GLI2: variants seen among roughly 807,000 people sequenced by gnomAD.
GLI2 encodes the protein GLI family zinc finger 2, also known as transcription activator GLI2.
Under a neutral mutation model 78.9 loss-of-function variants are expected in GLI2, and 22 were observed. The ratio of observed to expected loss-of-function variants is 0.28; its 90% CI spans 0.20 to 0.40. GLI2 has a LOEUF of 0.40. GLI2 is among the 10% of genes least tolerant of loss of function. The pLI is 1.00. For missense variants in GLI2, 2,097 were observed against 2,213.2 expected, an observed-to-expected ratio of 0.95 and a Z score of 1.05; for synonymous variants, 974 against 963.7, an observed-to-expected ratio of 1.01 and a Z score of -0.20.
intron 1 of GLI2, among the ~76,000 whole-genome samples, chr2:120,741,221 T>C (rs1203669328): frequency 1.3e-5 from 2 of 152,168 alleles, no homozygotes; most frequent in Admixed American, 1.3e-4. Flanking sequence ...CTGATGTGAT[T>C]ACGCTTTGCT....
chr2:120,793,738 T>A (rs1452741350), intron 1 of GLI2, among the ~76,000 whole-genome samples: 3 of 152,226 alleles, frequency 2.0e-5, no homozygotes. Flanking sequence ...ATCCTCTCCC[T>A]GAGCCACAGT....
intron 1 of GLI2, among the ~76,000 whole-genome samples, chr2:120,770,987 C>G (rs1406251997): frequency 6.6e-6 from 1 of 152,190 alleles, no homozygotes; most frequent in African/African-American, 2.4e-5. Flanking sequence ...CCCCACTTGC[C>G]CAGGCCCAGA....
intron 2 of GLI2, among the ~76,000 whole-genome samples, chr2:120,853,337 C>G (rs1687498338): frequency 6.6e-6 from 1 of 152,184 alleles, no homozygotes; most frequent in Non-Finnish European, 1.5e-5. Context: ...GAGAATGACA[C>G]CTCAGGTCAC....
intron 2 of GLI2, among the ~76,000 whole-genome samples, chr2:120,853,086 C>T (rs1171763693): frequency 2.0e-5 from 3 of 152,196 alleles, no homozygotes; most frequent in Non-Finnish European, 2.9e-5. Context: ...GACACTGTCT[C>T]TGCAAGGCGA....
chr2:120,900,999 T>G (rs1678224877), intron 2 of GLI2, among the ~76,000 whole-genome samples: 1 of 152,184 alleles, frequency 6.6e-6, no homozygotes, highest in African/African-American at 2.4e-5. Context: ...TTGGGGTTTG[T>G]TTGTACCAGG....
Position 120,886,642 on chromosome 2 carries a change from G to A in GLI2, c.149-40719G>A, listed in dbSNP as rs944050332. Among the ~76,000 whole-genome samples the A allele has an allele frequency of 7.2e-5, 11 of 152,294 alleles. 1 individual carries two copies. The highest frequency in any genetic ancestry group is 9.6e-5 in the African/African-American group (4 of 41,570). On this transcript the variant is annotated intron_variant, in intron 2 of 13. Transcript: ENST00000361492. The stretch of plus-strand genomic sequence containing the variant: ...GCTCATACTAGCCTTCCTGAGGGGC[G>A]TGAGTGGGTGAGGCAGAGGTGGAAA...
At chr2:120,787,212 CAG>C (rs1684021815) in intron 1 of GLI2, among the ~76,000 whole-genome samples, 1 of 152,126 alleles carries the variant, frequency 6.6e-6, no homozygotes, top group Admixed American at 6.5e-5. Context: ...ACCGCGTGAT[CAG>C]AGTCACAGAC....
chr2:120,887,489 G>A (rs952492445), intron 2 of GLI2, among the ~76,000 whole-genome samples: 4 of 152,238 alleles, frequency 2.6e-5, no homozygotes, highest in African/African-American at 7.2e-5. Flanking sequence ...CCGCGCTGGC[G>A]AAGCCCGGGA....
intron 3 of GLI2, among the ~76,000 whole-genome samples, chr2:120,932,297 A>G (rs1202695378): frequency 6.6e-6 from 1 of 151,940 alleles, no homozygotes; most frequent in African/African-American, 2.4e-5. Context: ...TGAGCTGGTG[A>G]CCATTTCGTG....
chr2:120,797,361 A>G lies in GLI2; in HGVS notation c.41A>G (p.Glu14Gly), dbSNP rs1684444560. ...TCAGCCACTGCCTCCGAGAAGCAAG[A>G]AGCCAAAAGTGGGATCCTGGAGGCC... ...SASATASEKQEAKSGILEAAG... is the reference protein window; with the variant it reads ...SASATASEKQGAKSGILEAAG... Residue 14 changes from glutamate to glycine, a missense_variant, in exon 2 of 14, where the codon GAA becomes GGA. Coordinates refer to ENST00000361492, the MANE Select transcript of GLI2 (RefSeq NM_001374353.1). The G allele has an allele frequency of 6.2e-7, 1 of 1,614,060 alleles. No homozygotes were observed. Among genetic ancestry groups the G allele is most frequent in the South Asian group, 1.1e-5 (1 of 91,052 alleles).
intron 1 of GLI2, among the ~76,000 whole-genome samples, chr2:120,776,521 A>G (rs937373005): frequency 3.3e-5 from 5 of 152,056 alleles, no homozygotes; most frequent in African/African-American, 1.2e-4. Flanking sequence ...TCCTTGCCCT[A>G]GACACATTTG....
chr2:120,968,942 T>A, intron 6 of GLI2, 27 bp downstream of exon 6: 2 of 1,585,912 alleles, frequency 1.3e-6, no homozygotes, highest in African/African-American at 2.7e-5. Context: ...AGCAGAGAGC[T>A]GAGGACCAGA....
intron 1 of GLI2, among the ~76,000 whole-genome samples, chr2:120,783,379 A>G (rs1683902885): frequency 6.6e-6 from 1 of 152,150 alleles, no homozygotes; most frequent in Admixed American, 6.5e-5. Context: ...ACCTGGTCTC[A>G]CAAAGCCAGG....
chr2:120,879,499 T>A (rs1677001523), intron 2 of GLI2, among the ~76,000 whole-genome samples: 1 of 152,082 alleles, frequency 6.6e-6, no homozygotes, highest in South Asian at 2.1e-4. Flanking sequence ...GTGCAGTAGT[T>A]CCTCACCCGT....
At chr2:120,859,390 G>T (rs910193419) in intron 2 of GLI2, among the ~76,000 whole-genome samples, 8 of 152,038 alleles carry the variant, frequency 5.3e-5, no homozygotes, top group African/African-American at 1.7e-4. Context: ...TGAAACAAGA[G>T]CAGGGAAGCT....
chr2:120,918,732 C>T lies in GLI2; in HGVS notation c.149-8629C>T, dbSNP rs148668088. Among the ~76,000 whole-genome samples the T allele has an allele frequency of 3.2e-3, 492 of 152,350 alleles. 3 individuals are homozygous for T. Among genetic ancestry groups the T allele is most frequent in the African/African-American group, 0.011 (475 of 41,596 alleles). On this transcript the variant is annotated intron_variant, in intron 2 of 13. Transcript: ENST00000361492. ...TTGGGATTACAGGCGTGAGCCACTG[C>T]GCCCAGCCCACCATAAATATTCTTC...
intron 2 of GLI2, among the ~76,000 whole-genome samples, chr2:120,820,743 C>T (rs1256555903): frequency 6.6e-6 from 1 of 152,172 alleles, no homozygotes; most frequent in East Asian, 1.9e-4. Flanking sequence ...GAGAGGGTAG[C>T]TTTTTTTCTA....
chr2:120,769,088 G>C (rs889357279), intron 1 of GLI2, among the ~76,000 whole-genome samples: 2 of 152,186 alleles, frequency 1.3e-5, no homozygotes, highest in African/African-American at 4.8e-5. Context: ...AACAGCAAGA[G>C]CATCTCTGAC....
At chr2:120,742,679 T>TAAAAAAAAAAAAA (rs10522388) in intron 1 of GLI2, among the ~76,000 whole-genome samples, 79 of 140,676 alleles carry the variant, frequency 5.6e-4, no homozygotes, top group East Asian at 3.2e-3. Flanking sequence ...AGGATGACTT[T>TAAAAAAAAAAAAA]AAAAAAAAAG....
Sources: allele counts gnomAD v4.1 joint callset (sites outside exome capture counted in the v4.1 genomes callset), GRCh38; gene constraint gnomAD v4.1.1; transcripts MANE v1.5; gene names NCBI Gene and HGNC (gene_info 2026-07-23, HGNC 2026-07-21).